The following SYNPO2 variants were observed in gnomAD, a reference collection of about 807,000 sequenced individuals.
SYNPO2 encodes synaptopodin-2.
Under a neutral mutation model 85.0 loss-of-function variants are expected in SYNPO2, and 56 were observed. That is an observed-to-expected ratio of 0.66 (90% CI 0.53 to 0.82). SYNPO2 has a LOEUF of 0.82. SYNPO2 is among the 40% of genes least tolerant of loss of function. The probability of loss-of-function intolerance (pLI) is 0.00; values close to 1 mark genes in which losing one functional copy is unlikely to be tolerated. For missense variants in SYNPO2, 1,575 were observed against 1,534.2 expected (o/e 1.03, Z -0.44); for synonymous variants, 602 against 591.1 (o/e 1.02, Z -0.27).
intron 1 of SYNPO2, among the ~76,000 whole-genome samples, chr4:119,020,192 TA>T (rs1737666106): frequency 1.3e-5 from 2 of 152,244 alleles, no homozygotes; most frequent in East Asian, 3.9e-4. Flanking sequence ...CAGAAAAACT[TA>T]AGTAAGAAGA....
chr4:119,031,141 C>A lies in SYNPO2; in HGVS notation c.2366C>A (p.Pro789His). The part of the protein sequence containing the change: ...VWSPGVAPTQ[P>H]PAFPTSNPSK... ...TCTCCAGGAGTGGCTCCCACCCAAC[C>A]TCCTGCCTTCCCCACATCCAACCCA... Residue 789 changes from proline to histidine, a missense_variant, in exon 4 of 5, where the codon CCT (proline) becomes CAT (histidine). Physicochemically the swap from Pro to His is moderately conservative, Grantham distance 77 (BLOSUM62 -2). Around this residue, in one of 3 missense-constraint regions of SYNPO2, gnomAD observed 1,508 missense variants for 1,446.8 expected, o/e 1.04. Transcript: ENST00000307142. The A allele has an allele frequency of 6.2e-7, 1 of 1,614,176 alleles. No individual in the cohort carries two copies. The highest frequency in any genetic ancestry group is 1.3e-5 in the African/African-American group (1 of 75,040).
chr4:119,036,457 A>G (rs1036239442), intron 4 of SYNPO2: 12 of 985,336 alleles, frequency 1.2e-5, no homozygotes, highest in African/African-American at 3.5e-5. Flanking sequence ...TTAGTCAACA[A>G]TTATTCTGGG....
intron 1 of SYNPO2, among the ~76,000 whole-genome samples, chr4:119,009,501 A>G (rs1737210330): frequency 6.6e-6 from 1 of 152,198 alleles, no homozygotes. Context: ...CAGGCACTCA[A>G]TAAAGATCTG....
chr4:118,855,596 T>C (rs548571652), intron 1 of SYNPO2, among the ~76,000 whole-genome samples: 19 of 152,268 alleles, frequency 1.2e-4, no homozygotes, highest in African/African-American at 4.6e-4. Flanking sequence ...ACATTAACCA[T>C]TAAAATGCCA....
intron 1 of SYNPO2, among the ~76,000 whole-genome samples, chr4:118,927,742 AGATAGATG>A (rs1451461886): frequency 1.8e-5 from 2 of 113,360 alleles, no homozygotes; most frequent in African/African-American, 7.0e-5. Flanking sequence ...ATAGATAGAT[AGATAGATG>A]ATAGATAGAT....
chr4:119,059,438 G>C lies in SYNPO2; in HGVS notation c.*1504G>C, dbSNP rs1051947399. 6.6e-6 allele frequency: 1 copy of C among 152,076 alleles called. No individual in the cohort carries two copies. The highest frequency in any genetic ancestry group is 2.4e-5 in the African/African-American group (1 of 41,402). 9.4% of individuals were successfully genotyped at this position (152,076 alleles called of 1,614,324 possible). On this transcript the variant is annotated 3_prime_UTR_variant, in exon 5 of 5. Transcript: ENST00000307142. ...TCATCAATCCCATGACACATGCCTT[G>C]TTAGCATGCCCATCAAATAATCAGA...
chr4:118,882,997 G>A (rs1044065035), intron 1 of SYNPO2, among the ~76,000 whole-genome samples: 1 of 151,186 alleles, frequency 6.6e-6, no homozygotes, highest in Non-Finnish European at 1.5e-5. Context: ...TCCTGACCTC[G>A]TGATCCGCCC....
rs377401834 is a variant in SYNPO2, at chr4:118,879,322, T to C, written c.12+28382T>C. ...GAGAGGGTTAGAGCTTCCTTTTCCC[T>C]AGGCTCTGGGGAACTGAACGTTTTT... is the stretch of plus-strand genomic sequence containing the variant. On this transcript the variant is annotated intron_variant, in intron 1 of 4. Transcript: ENST00000610556. 2.2e-3 allele frequency among the ~76,000 whole-genome samples: 339 copies of C among 152,324 alleles called. 2 individuals carry two copies. Among genetic ancestry groups the C allele is most frequent in the African/African-American group, 7.5e-3 (310 of 41,584 alleles).
At chr4:118,922,105 A>G (rs1162603853) in intron 1 of SYNPO2, among the ~76,000 whole-genome samples, 1 of 152,140 alleles carries the variant, frequency 6.6e-6, no homozygotes, top group Admixed American at 6.6e-5. Flanking sequence ...TGGTTAAATA[A>G]ATGAGGAGGG....
intron 1 of SYNPO2, among the ~76,000 whole-genome samples, chr4:118,926,586 T>G (rs1578556626): frequency 6.6e-6 from 1 of 151,842 alleles, no homozygotes; most frequent in Non-Finnish European, 1.5e-5. Flanking sequence ...CTTCCTGGAG[T>G]TGTATGGTGC....
intron 4 of SYNPO2, among the ~76,000 whole-genome samples, chr4:119,045,540 C>A (rs1738847801): frequency 6.6e-6 from 1 of 152,204 alleles, no homozygotes; most frequent in Admixed American, 6.5e-5. Context: ...ATGAAAATTA[C>A]TTGTTTCTCC....
chr4:118,900,354 A>C (rs1202676352), intron 1 of SYNPO2, among the ~76,000 whole-genome samples: 1 of 152,152 alleles, frequency 6.6e-6, no homozygotes, highest in Non-Finnish European at 1.5e-5. Context: ...TGGAACATCC[A>C]TTTATCTGTT....
chr4:119,012,832 CTGTAAA>C lies in SYNPO2; in HGVS notation c.106-10595_106-10590del, dbSNP rs552342921. Reference sequence around the variant, plus strand: ...TTGGGTTGGTTCCAAGTCTTTACTACTGTAAATGGCAGCACATTGTTCTTAAAAGGC... The same window carrying C: ...TTGGGTTGGTTCCAAGTCTTTACTACTGGCAGCACATTGTTCTTAAAAGGC... On this transcript the variant is annotated intron_variant, in intron 1 of 4. Coordinates refer to ENST00000307142, the MANE Select transcript of SYNPO2 (RefSeq NM_133477.3). 4.5e-4 allele frequency among the ~76,000 whole-genome samples: 68 copies of C among 152,260 alleles called. No homozygotes were observed. The South Asian group carries it at 0.012, about 28-fold the overall frequency.
At chr4:118,879,391 A>G (rs1732021575) in intron 1 of SYNPO2, among the ~76,000 whole-genome samples, 1 of 152,118 alleles carries the variant, frequency 6.6e-6, no homozygotes, top group Non-Finnish European at 1.5e-5. Flanking sequence ...TCCCCAGTGT[A>G]TATTTGGAAG....
intron 1 of SYNPO2, among the ~76,000 whole-genome samples, chr4:118,949,752 A>C (rs1734635092): frequency 6.6e-6 from 1 of 151,500 alleles, no homozygotes; most frequent in African/African-American, 2.4e-5. Flanking sequence ...CTGTCTCAAA[A>C]AATAAAATAA....
chr4:118,873,216 T>G (rs1731835812), intron 1 of SYNPO2, among the ~76,000 whole-genome samples: 3 of 152,216 alleles, frequency 2.0e-5, no homozygotes, highest in South Asian at 4.1e-4. Flanking sequence ...CAGATAGTAG[T>G]GAGACTGCTG....
In SYNPO2 at chr4:119,034,067, G is replaced by A. The variant is rs188812313; in HGVS notation, c.3252+2040G>A. Reference sequence around the variant, plus strand: ...GGGAAACCAATTAAGATTAATACAGGATAAAGGAAAAAAGCAATCTATTCA... The same window carrying A: ...GGGAAACCAATTAAGATTAATACAGAATAAAGGAAAAAAGCAATCTATTCA... On this transcript the variant is annotated intron_variant, in intron 4 of 4. Coordinates refer to ENST00000307142, the MANE Select transcript of SYNPO2 (RefSeq NM_133477.3). 5 of 985,320 alleles carry A rather than the reference G, an allele frequency of 5.1e-6. No homozygotes were observed. In the Admixed American group the frequency reaches 3.1e-4, roughly 61 times the overall value. 61.0% of individuals were successfully genotyped at this position (985,320 alleles called of 1,614,324 possible). A position where few individuals can be genotyped will look rare whatever the true frequency, so the allele number is the denominator to read the frequency against.
intron 4 of SYNPO2, chr4:119,035,831 A>AC (rs1442811234): frequency 1.0e-6 from 1 of 984,800 alleles, no homozygotes; most frequent in East Asian, 1.1e-4. Context: ...AAAAAAAAAA[A>AC]AAAACACCTG....
At chr4:118,897,045 A>G (rs1732572693) in intron 1 of SYNPO2, among the ~76,000 whole-genome samples, 1 of 152,162 alleles carries the variant, frequency 6.6e-6, no homozygotes, top group South Asian at 2.1e-4. Context: ...GCTACAAAGA[A>G]CTGTTTGAGA....
Sources: allele counts gnomAD v4.1 joint callset (sites outside exome capture counted in the v4.1 genomes callset), GRCh38; gene constraint gnomAD v4.1.1; regional missense constraint gnomAD v4.1.1; transcripts MANE v1.5; gene names NCBI Gene and HGNC (gene_info 2026-07-23, HGNC 2026-07-21).